Variants in RNF217 observed in about 807,000 individuals in gnomAD.
RNF217 encodes the protein E3 ubiquitin-protein ligase RNF217.
A neutral mutation model predicts 57.8 loss-of-function variants in RNF217; 31 were observed. The observed-to-expected ratio is 0.54, with a 90% CI of 0.40 to 0.72. The LOEUF is 0.72. Ranked by LOEUF, RNF217 falls within the 30% of genes least tolerant of loss-of-function variation. The probability of loss-of-function intolerance (pLI) is 0.00; values close to 1 mark genes in which losing one functional copy is unlikely to be tolerated. For synonymous variants in RNF217, 313 were observed against 294.0 expected (o/e 1.06, Z -0.66); for missense variants, 696 against 708.3 (o/e 0.98, Z 0.20).
At chr6:124,972,791 T>A (rs544117709) in intron 1 of RNF217, among the ~76,000 whole-genome samples, 1 of 152,158 alleles carries the variant, frequency 6.6e-6, no homozygotes, top group Non-Finnish European at 1.5e-5. Context: ...CCCCTATATC[T>A]AGATTAAGCA....
chr6:124,979,064 G>A (rs1646234092), intron 1 of RNF217, among the ~76,000 whole-genome samples: 1 of 152,140 alleles, frequency 6.6e-6, no homozygotes, highest in Non-Finnish European at 1.5e-5. Flanking sequence ...GTGTAAGATG[G>A]TGATAGAAGT....
chr6:125,034,682 C>G (rs908223482), intron 1 of RNF217, among the ~76,000 whole-genome samples: 2 of 152,072 alleles, frequency 1.3e-5, no homozygotes, highest in Non-Finnish European at 2.9e-5. Flanking sequence ...GATGCAGGCT[C>G]TTTTTTGGTT....
At chr6:124,973,902 G>A (rs906483888) in intron 1 of RNF217, among the ~76,000 whole-genome samples, 4 of 152,154 alleles carry the variant, frequency 2.6e-5, no homozygotes, top group Non-Finnish European at 4.4e-5. Context: ...GTTCACTTTC[G>A]GGGTTTCTCA....
At chr6:125,047,552 A>G (rs914757540) in intron 2 of RNF217, among the ~76,000 whole-genome samples, 7 of 152,254 alleles carry the variant, frequency 4.6e-5, no homozygotes, top group Admixed American at 2.6e-4. Flanking sequence ...GAAGAGAAGC[A>G]GGGGCAAATG....
intron 1 of RNF217, among the ~76,000 whole-genome samples, chr6:125,042,983 G>C (rs1194276252): frequency 6.6e-6 from 1 of 152,000 alleles, no homozygotes; most frequent in Non-Finnish European, 1.5e-5. Context: ...CTGTGGACTT[G>C]AAAGAAACTA....
At chr6:125,016,617 G>T (rs1785611957) in intron 1 of RNF217, among the ~76,000 whole-genome samples, 1 of 152,002 alleles carries the variant, frequency 6.6e-6, no homozygotes, top group Admixed American at 6.6e-5. Context: ...AAACACCACG[G>T]AATACTGTGC....
chr6:124,966,944 A>G (rs1783566482), intron 1 of RNF217, among the ~76,000 whole-genome samples: 1 of 152,222 alleles, frequency 6.6e-6, no homozygotes, highest in Non-Finnish European at 1.5e-5. Flanking sequence ...AGTTATTGCC[A>G]TGACTGTGGC....
At chr6:124,980,667 C>G (rs1043562369) in intron 1 of RNF217, among the ~76,000 whole-genome samples, 2 of 151,082 alleles carry the variant, frequency 1.3e-5, no homozygotes, top group African/African-American at 2.4e-5. Context: ...CTGTTTTGAT[C>G]GTGCCTGTCC....
intron 2 of RNF217, among the ~76,000 whole-genome samples, chr6:125,048,610 C>T (rs1757124218): frequency 6.6e-6 from 1 of 151,996 alleles, no homozygotes; most frequent in African/African-American, 2.4e-5. Context: ...CTTTTGCTGT[C>T]AATTCAACTG....
intron 1 of RNF217, among the ~76,000 whole-genome samples, chr6:125,037,604 C>G (rs1786693207): frequency 6.6e-6 from 1 of 152,146 alleles, no homozygotes; most frequent in Non-Finnish European, 1.5e-5. Flanking sequence ...GTCAGTAGAG[C>G]AGGCACCTTC....
At chr6:124,988,400 A>C (rs947979724) in intron 1 of RNF217, among the ~76,000 whole-genome samples, 1 of 152,248 alleles carries the variant, frequency 6.6e-6, no homozygotes, top group Non-Finnish European at 1.5e-5. Flanking sequence ...GCTAAGGCAC[A>C]TCAGGATATT....
In RNF217 at chr6:125,057,925, A is replaced by AT. The variant is rs1185825352; in HGVS notation, c.1117-10dup. ...AGTATATCCACTAGTAATTAATATGATTTTTTTCTTACACAGATCCAGTGC... is the reference window on the plus strand; with the variant it reads ...AGTATATCCACTAGTAATTAATATGATTTTTTTTCTTACACAGATCCAGTGC... On this transcript the variant is annotated splice_polypyrimidine_tract_variant and intron_variant, in intron 2 of 5. Coordinates refer to ENST00000521654, the MANE Select transcript of RNF217 (RefSeq NM_001286398.3). 10 of 1,582,694 alleles carry AT rather than the reference A, an allele frequency of 6.3e-6. No individual in the cohort carries two copies. Among genetic ancestry groups the AT allele is most frequent in the African/African-American group, 1.4e-5 (1 of 73,882 alleles).
chr6:125,057,090 T>C (rs1430240695), intron 2 of RNF217, among the ~76,000 whole-genome samples: 2 of 152,238 alleles, frequency 1.3e-5, no homozygotes, highest in African/African-American at 4.8e-5. Context: ...CTGCCTTACG[T>C]TGGTAGCAAA....
intron 2 of RNF217, among the ~76,000 whole-genome samples, chr6:125,053,884 G>A (rs188453386): frequency 3.8e-4 from 58 of 152,162 alleles, no homozygotes; most frequent in African/African-American, 1.2e-3. Context: ...GAGTTTGTGC[G>A]TTGATCATAG....
At chr6:124,977,586 C>T (rs1185733961) in intron 1 of RNF217, among the ~76,000 whole-genome samples, 2 of 152,084 alleles carry the variant, frequency 1.3e-5, no homozygotes, top group African/African-American at 4.8e-5. Flanking sequence ...ATGCTTTTGG[C>T]TTATTACAAT....
At chr6:125,020,815 C>T (rs1433085897) in intron 1 of RNF217, among the ~76,000 whole-genome samples, 1 of 152,144 alleles carries the variant, frequency 6.6e-6, no homozygotes, top group Non-Finnish European at 1.5e-5. Flanking sequence ...AATACTCTAA[C>T]ATATATTAAA....
chr6:125,044,512 C>T (rs976011982), intron 1 of RNF217, among the ~76,000 whole-genome samples: 8 of 152,002 alleles, frequency 5.3e-5, no homozygotes, highest in African/African-American at 1.9e-4. Flanking sequence ...AATCTAGCTT[C>T]GTAGTCCTTT....
chr6:125,009,590 T>G (rs903260676), intron 1 of RNF217: 4 of 286,252 alleles, frequency 1.4e-5, no homozygotes, highest in Non-Finnish European at 2.6e-5. Context: ...ATTAGAATTA[T>G]AGGCTCTTTT....
chr6:124,977,505 A>G (rs1032419352), intron 1 of RNF217, among the ~76,000 whole-genome samples: 2 of 152,264 alleles, frequency 1.3e-5, no homozygotes, highest in Non-Finnish European at 2.9e-5. Context: ...AATGTTTTAT[A>G]TCATTAATTC....
Sources: gnomAD v4.1 joint callset for allele counts (sites outside exome capture counted in the v4.1 genomes callset) on GRCh38, gnomAD v4.1.1 for gene constraint, MANE v1.5 for transcripts, NCBI Gene and HGNC (gene_info 2026-07-23, HGNC 2026-07-21) for gene names.